Variants in DENND2A observed in about 807,000 individuals in gnomAD.
DENND2A encodes DENN domain containing 2A.
Under a neutral mutation model 105.3 loss-of-function variants are expected in DENND2A, and 53 were observed. The observed-to-expected ratio is 0.50, with a 90% CI of 0.40 to 0.63. The LOEUF is 0.63. DENND2A is among the 30% of genes least tolerant of loss of function. The pLI is 0.00. For synonymous variants in DENND2A, 522 were observed against 508.4 expected (o/e 1.03, Z -0.36); for missense variants, 1,138 against 1,279.6 (o/e 0.89, Z 1.69).
chr7:140,599,292 T>C (rs1310935921), intron 3 of DENND2A, among the ~76,000 whole-genome samples: 1 of 151,954 alleles, frequency 6.6e-6, no homozygotes, highest in Non-Finnish European at 1.5e-5. Context: ...GAGCTGATAT[T>C]GTGCCACCAC....
chr7:140,531,391 A>G (rs931190425), intron 14 of DENND2A, among the ~76,000 whole-genome samples: 1 of 152,224 alleles, frequency 6.6e-6, no homozygotes, highest in Admixed American at 6.5e-5. Flanking sequence ...TTTGCAGCCC[A>G]TTAGTGGGTC....
In DENND2A at chr7:140,527,618, G is replaced by T. The variant is rs958885934; in HGVS notation, c.2328-123C>A. 2 of 1,047,182 alleles carry T rather than the reference G, an allele frequency of 1.9e-6. No individual in the cohort carries two copies. The highest frequency in any genetic ancestry group is 2.7e-6 in the Non-Finnish European group (2 of 741,454). 64.9% of individuals were successfully genotyped at this position (1,047,182 alleles called of 1,614,324 possible). On this transcript the variant is annotated intron_variant, in intron 14 of 19. Coordinates refer to ENST00000496613, the MANE Select transcript of DENND2A (RefSeq NM_015689.5). The surrounding 1 kb of genome is among the most constrained non-coding windows in gnomAD (Gnocchi z 4.9). Reference sequence around the variant, plus strand: ...AAAGGACACACGTGGATGTGGATCCGGTGGAGCACATGATGGTCTCAGCAC... The same window carrying T: ...AAAGGACACACGTGGATGTGGATCCTGTGGAGCACATGATGGTCTCAGCAC...
Position 140,540,217 on chromosome 7 carries a change from GC to G in DENND2A, c.2327+4400del, listed in dbSNP as rs530488297. On this transcript the variant is annotated intron_variant, in intron 14 of 19. Transcript: ENST00000496613. ...GGGCACCACAATTATCCACGTTCCT[GC>G]TGCCTTCTCTTCTCCCACAGAAATC... Among the ~76,000 whole-genome samples, 236 of 152,352 alleles carry G rather than the reference GC, an allele frequency of 1.5e-3. 3 individuals carry two copies. The South Asian group carries it at 0.024, about 15-fold the overall frequency.
intron 3 of DENND2A, among the ~76,000 whole-genome samples, chr7:140,596,844 T>C (rs1799305280): frequency 6.6e-6 from 1 of 152,246 alleles, no homozygotes; most frequent in East Asian, 1.9e-4. Context: ...TAAAGAGTAG[T>C]AACTTTTCTT....
At chr7:140,551,349 C>G (rs1797132118) in intron 12 of DENND2A, among the ~76,000 whole-genome samples, 1 of 150,632 alleles carries the variant, frequency 6.6e-6, no homozygotes, top group Non-Finnish European at 1.5e-5. Context: ...AGAAAAAAAG[C>G]CTTTGGGACA....
At chr7:140,585,785 A>G (rs1198702064) in intron 4 of DENND2A, 75 bp from the exon 5 acceptor site, 2 of 1,600,752 alleles carry the variant, frequency 1.2e-6, no homozygotes, top group East Asian at 4.5e-5. Context: ...TGAGGTCAGT[A>G]TCTTGGCCTC....
chr7:140,604,419 C>A (rs1325490591), intron 2 of DENND2A, among the ~76,000 whole-genome samples: 2 of 152,208 alleles, frequency 1.3e-5, no homozygotes, highest in Non-Finnish European at 1.5e-5. Context: ...TTTAAATAAA[C>A]AATTAGGATT....
chr7:140,582,461 AACACATTTCCAAGGCAAG>A (rs1462087799), intron 5 of DENND2A, among the ~76,000 whole-genome samples: 1 of 152,228 alleles, frequency 6.6e-6, no homozygotes, highest in African/African-American at 2.4e-5. Flanking sequence ...AAACACCAAC[AACACATTTCCAAGGCAAG>A]CAGAGAGCAT....
At chr7:140,623,109 C>T (rs1800360280) in intron 1 of DENND2A, among the ~76,000 whole-genome samples, 1 of 151,056 alleles carries the variant, frequency 6.6e-6, no homozygotes, top group African/African-American at 2.4e-5. Context: ...CTGAGGCGGG[C>T]AGATTACCTG....
chr7:140,608,303 C>A (rs1297221910), intron 1 of DENND2A, among the ~76,000 whole-genome samples: 1 of 152,182 alleles, frequency 6.6e-6, no homozygotes, highest in Non-Finnish European at 1.5e-5. Context: ...AATCAGTCCA[C>A]CAGCATTTCT....
intron 1 of DENND2A, among the ~76,000 whole-genome samples, chr7:140,611,250 G>A (rs765918369): frequency 2.0e-5 from 3 of 152,076 alleles, no homozygotes; most frequent in Admixed American, 6.6e-5. Flanking sequence ...ATATAAAATG[G>A]GCTGGGTACA....
chr7:140,571,177 T>C (rs1338799337), intron 6 of DENND2A, among the ~76,000 whole-genome samples: 2 of 152,338 alleles, frequency 1.3e-5, no homozygotes, highest in East Asian at 3.9e-4. Context: ...CTATTTATTT[T>C]GAGACAGAGT....
At chr7:140,552,605 C>T (rs1646783398) in intron 12 of DENND2A, among the ~76,000 whole-genome samples, 1 of 152,078 alleles carries the variant, frequency 6.6e-6, no homozygotes, top group Admixed American at 6.6e-5. Context: ...ACCATGTTGC[C>T]TAGTCTGCTC....
intron 5 of DENND2A, among the ~76,000 whole-genome samples, chr7:140,583,692 G>A (rs1014857451): frequency 6.6e-6 from 1 of 150,434 alleles, no homozygotes; most frequent in Admixed American, 6.6e-5. Context: ...CACTTTGGGA[G>A]GCCAAGGCGG....
chr7:140,606,126 C>T (rs972737122), intron 1 of DENND2A, among the ~76,000 whole-genome samples: 4 of 152,094 alleles, frequency 2.6e-5, no homozygotes, highest in African/African-American at 7.2e-5. Context: ...CCGCAACCTG[C>T]GCCTCCTGGG....
chr7:140,533,694 G>A (rs933686824), intron 14 of DENND2A, among the ~76,000 whole-genome samples: 2 of 152,210 alleles, frequency 1.3e-5, no homozygotes, highest in South Asian at 4.1e-4. Flanking sequence ...TGGGGAACCA[G>A]CTGGCCGCGT....
chr7:140,566,062 G>A (rs1247020003), intron 9 of DENND2A, among the ~76,000 whole-genome samples: 1 of 152,156 alleles, frequency 6.6e-6, no homozygotes, highest in Non-Finnish European at 1.5e-5. Context: ...TCTGTCTATG[G>A]AGTAGCCATT....
At chr7:140,568,929 C>T in intron 7 of DENND2A, 116 bp from the exon 8 acceptor site, 3 of 1,039,866 alleles carry the variant, frequency 2.9e-6, no homozygotes, top group Non-Finnish European at 4.2e-6. Context: ...GTTGAGTTGC[C>T]TCTTTTTTTT....
intron 14 of DENND2A, among the ~76,000 whole-genome samples, chr7:140,539,361 T>A (rs201526783): frequency 1.4e-4 from 22 of 152,132 alleles, no homozygotes; most frequent in East Asian, 3.9e-4. Flanking sequence ...GGGACCCTGC[T>A]GGAAGGCCAA....
Sources: gnomAD v4.1 joint callset for allele counts (sites outside exome capture counted in the v4.1 genomes callset) on GRCh38, gnomAD v4.1.1 for gene constraint, Gnocchi (gnomAD v3.1) non-coding constraint, MANE v1.5 for transcripts, NCBI Gene and HGNC (gene_info 2026-07-23, HGNC 2026-07-21) for gene names.